IL1RAPL1: variants seen among roughly 807,000 people sequenced by gnomAD.
IL1RAPL1 encodes interleukin 1 receptor accessory protein like 1, also known as interleukin-1 receptor accessory protein-like 1.
In IL1RAPL1, 3 loss-of-function variants were observed where a neutral mutation model predicts 48.4. The observed-to-expected ratio is 0.06, with a 90% CI of 0.03 to 0.16. The LOEUF (loss-of-function observed/expected upper bound fraction) is 0.16. Ranked by LOEUF, IL1RAPL1 falls within the 10% of genes least tolerant of loss-of-function variation. IL1RAPL1 has a pLI of 1.00. For missense variants in IL1RAPL1, 349 were observed against 530.6 expected, an observed-to-expected ratio of 0.66 and a Z score of 3.36; for synonymous variants, 185 against 187.7, an observed-to-expected ratio of 0.99 and a Z score of 0.12.
chrX:29,127,452 G>T (rs1018868187), intron 2 of IL1RAPL1, among the ~76,000 whole-genome samples: 1 of 111,831 alleles, frequency 8.9e-6, no homozygotes, highest in African/African-American at 3.3e-5. Context: ...TCCTGATCTA[G>T]CCCTTCTTCT....
chrX:29,581,325 T>A (rs1008281851), intron 5 of IL1RAPL1, among the ~76,000 whole-genome samples: 6 of 112,354 alleles, frequency 5.3e-5, no homozygotes, highest in Non-Finnish European at 1.9e-5. Context: ...CCTCCCACAT[T>A]CGTCACATTA....
chrX:28,685,650 A>G (rs1469816361), intron 1 of IL1RAPL1, among the ~76,000 whole-genome samples: 2 of 111,675 alleles, frequency 1.8e-5, no homozygotes, highest in Non-Finnish European at 3.8e-5. Context: ...TTTAGTTAGC[A>G]GCATTTTGTT....
chrX:29,335,950 A>G (rs781228884), intron 3 of IL1RAPL1, among the ~76,000 whole-genome samples: 35 of 109,853 alleles, frequency 3.2e-4, no homozygotes, highest in Admixed American at 2.9e-4. Flanking sequence ...AGTCGTGCGT[A>G]TGTAAATAGT....
chrX:29,564,983 A>G (rs1233407586), intron 5 of IL1RAPL1, among the ~76,000 whole-genome samples: 2 of 111,155 alleles, frequency 1.8e-5, no homozygotes, highest in East Asian at 5.6e-4. Context: ...CCATCTTCCA[A>G]GTAGCAGTAT....
At chrX:29,712,372 G>A (rs1927375134) in intron 6 of IL1RAPL1, among the ~76,000 whole-genome samples, 1 of 111,502 alleles carries the variant, frequency 9.0e-6, no homozygotes, top group Non-Finnish European at 1.9e-5. Flanking sequence ...TAGGAATGAT[G>A]CTATACAAGC....
At chrX:28,923,734 G>A (rs1923671426) in intron 2 of IL1RAPL1, among the ~76,000 whole-genome samples, 1 of 110,908 alleles carries the variant, frequency 9.0e-6, no homozygotes, top group Non-Finnish European at 1.9e-5. Flanking sequence ...ACTTTTCTGT[G>A]TGTTTGAAAA....
At chrX:29,697,054 TA>T (rs747789090) in intron 6 of IL1RAPL1, among the ~76,000 whole-genome samples, 2 of 112,001 alleles carry the variant, frequency 1.8e-5, no homozygotes, top group Admixed American at 1.9e-4. Flanking sequence ...GGGATTTTTT[TA>T]TAGGTCACTG....
At chrX:29,038,873 A>G (rs1926783043) in intron 2 of IL1RAPL1, among the ~76,000 whole-genome samples, 1 of 111,761 alleles carries the variant, frequency 8.9e-6, no homozygotes, top group Non-Finnish European at 1.9e-5. Context: ...AACTCTACCC[A>G]TGATGCATCA....
At chrX:28,714,045 T>C (rs1935473170) in intron 1 of IL1RAPL1, among the ~76,000 whole-genome samples, 1 of 111,985 alleles carries the variant, frequency 8.9e-6, no homozygotes, top group Non-Finnish European at 1.9e-5. Context: ...AATAGGTCAA[T>C]GTTATCATTT....
At chrX:29,067,148 G>A (rs979961411) in intron 2 of IL1RAPL1, among the ~76,000 whole-genome samples, 4 of 111,669 alleles carry the variant, frequency 3.6e-5, no homozygotes. Context: ...TTCCTTGGGA[G>A]TTGGACTACA....
intron 2 of IL1RAPL1, among the ~76,000 whole-genome samples, chrX:29,236,902 C>T (rs1433228166): frequency 9.1e-6 from 1 of 109,449 alleles, no homozygotes; most frequent in Non-Finnish European, 1.9e-5. Context: ...TTTTCCATTT[C>T]AAGGTCACAA....
intron 5 of IL1RAPL1, among the ~76,000 whole-genome samples, chrX:29,440,100 A>G (rs1934531266): frequency 9.1e-6 from 1 of 109,319 alleles, no homozygotes; most frequent in Non-Finnish European, 1.9e-5. Flanking sequence ...AAAAACCTAT[A>G]AATTATTTGG....
At chrX:29,436,328 A>G (rs1028698623) in intron 5 of IL1RAPL1, among the ~76,000 whole-genome samples, 3 of 110,029 alleles carry the variant, frequency 2.7e-5, no homozygotes, top group Non-Finnish European at 3.8e-5. Context: ...TTAGTAACAA[A>G]ATGAGCCTCT....
chrX:29,073,817 A>G (rs967376035), intron 2 of IL1RAPL1, among the ~76,000 whole-genome samples: 2 of 111,347 alleles, frequency 1.8e-5, no homozygotes, highest in Non-Finnish European at 3.8e-5. Flanking sequence ...ACAACCCTTC[A>G]GTGTGGGTGT....
intron 6 of IL1RAPL1, among the ~76,000 whole-genome samples, chrX:29,669,253 C>A (rs1926082873): frequency 9.0e-6 from 1 of 111,366 alleles, no homozygotes; most frequent in Non-Finnish European, 1.9e-5. Flanking sequence ...ATGTAGTATG[C>A]AGGCATATGC....
At chrX:29,064,621 G>T (rs144068890) in intron 2 of IL1RAPL1, among the ~76,000 whole-genome samples, 3 of 111,018 alleles carry the variant, frequency 2.7e-5, no homozygotes, top group Admixed American at 9.5e-5. Context: ...TCGCTCTGTC[G>T]TCCAGGCTGG....
At chrX:29,119,098 A>G (rs1019382760) in intron 2 of IL1RAPL1, among the ~76,000 whole-genome samples, 5 of 111,094 alleles carry the variant, frequency 4.5e-5, no homozygotes, top group African/African-American at 6.5e-5. Context: ...AATGCAATAT[A>G]TGTTCTCATA....
At chrX:29,432,512 C>T (rs1372142051) in intron 5 of IL1RAPL1, among the ~76,000 whole-genome samples, 1 of 111,433 alleles carries the variant, frequency 9.0e-6, no homozygotes, top group Non-Finnish European at 1.9e-5. Flanking sequence ...TAGCTCACCC[C>T]AATACTTAAA....
At chrX:29,531,465 G>T (rs1921036429) in intron 5 of IL1RAPL1, among the ~76,000 whole-genome samples, 1 of 111,439 alleles carries the variant, frequency 9.0e-6, no homozygotes, top group South Asian at 3.8e-4. Flanking sequence ...GCTAGATTTG[G>T]TTGAGTACAA....
Sources: allele counts gnomAD v4.1 joint callset (sites outside exome capture counted in the v4.1 genomes callset), GRCh38; gene constraint gnomAD v4.1.1; transcripts MANE v1.5; gene names NCBI Gene and HGNC (gene_info 2026-07-23, HGNC 2026-07-21).